Variants in SLC24A3 observed in about 807,000 individuals in gnomAD.
SLC24A3 encodes the protein sodium/potassium/calcium exchanger 3.
SLC24A3 carries 28 observed loss-of-function variants against 75.8 expected under a neutral mutation model. The ratio of observed to expected loss-of-function variants is 0.37; its 90% CI spans 0.27 to 0.51. The LOEUF is 0.51. SLC24A3 is among the 20% of genes least tolerant of loss of function. SLC24A3 has a pLI of 0.94. For missense variants in SLC24A3, 663 were observed against 847.8 expected (o/e 0.78, Z 2.71); for synonymous variants, 372 against 334.1 (o/e 1.11, Z -1.24).
intron 2 of SLC24A3, among the ~76,000 whole-genome samples, chr20:19,392,921 A>G (rs1246157708): frequency 6.6e-6 from 1 of 152,168 alleles, no homozygotes; most frequent in Non-Finnish European, 1.5e-5. Context: ...CTTGCAGTCA[A>G]AAGGGGAAAG....
intron 3 of SLC24A3, among the ~76,000 whole-genome samples, chr20:19,552,091 T>G (rs1050554962): frequency 6.6e-6 from 1 of 152,228 alleles, no homozygotes; most frequent in East Asian, 1.9e-4. Flanking sequence ...TTAGGGAAAC[T>G]TTTTCCCCGT....
intron 2 of SLC24A3, among the ~76,000 whole-genome samples, chr20:19,477,688 A>G (rs1166705493): frequency 2.0e-5 from 3 of 152,122 alleles, no homozygotes; most frequent in Non-Finnish European, 4.4e-5. Flanking sequence ...GCCATGTGCC[A>G]TGTACCTAAA....
chr20:19,585,241 G>C (rs568179894), intron 5 of SLC24A3, among the ~76,000 whole-genome samples, 186 bp downstream of exon 5: 25 of 152,270 alleles, frequency 1.6e-4, no homozygotes, highest in African/African-American at 6.0e-4. Context: ...CTTTTACTGT[G>C]CATGAACTTG....
At chr20:19,603,044 A>G (rs2031548254) in intron 6 of SLC24A3, among the ~76,000 whole-genome samples, 1 of 152,148 alleles carries the variant, frequency 6.6e-6, no homozygotes, top group African/African-American at 2.4e-5. Flanking sequence ...GTCTCTCTGG[A>G]ATTGTCACCC....
intron 6 of SLC24A3, among the ~76,000 whole-genome samples, chr20:19,637,378 T>C (rs2032014441): frequency 6.6e-6 from 1 of 152,140 alleles, no homozygotes; most frequent in Non-Finnish European, 1.5e-5. Context: ...ACCAAAATAG[T>C]GGAATTGATA....
At chr20:19,666,706 C>G (rs867896135) in intron 8 of SLC24A3, among the ~76,000 whole-genome samples, 72 of 151,292 alleles carry the variant, frequency 4.8e-4, no homozygotes, top group African/African-American at 1.7e-3. Flanking sequence ...CAAATTGGCC[C>G]GGCATGGTGG....
intron 3 of SLC24A3, among the ~76,000 whole-genome samples, chr20:19,539,957 A>G (rs775783152): frequency 4.6e-5 from 7 of 152,192 alleles, no homozygotes; most frequent in Non-Finnish European, 8.8e-5. Flanking sequence ...TTCTGGAATG[A>G]GAGTCTTCAA....
intron 15 of SLC24A3, 139 bp from the exon 16 acceptor site, chr20:19,717,389 A>G (rs183600825): frequency 4.0e-6 from 3 of 753,684 alleles, no homozygotes; most frequent in Admixed American, 4.6e-5. Flanking sequence ...TGGCTGCTGA[A>G]GCTGTTGCTT....
chr20:19,386,372 C>A (rs955447878), intron 2 of SLC24A3, among the ~76,000 whole-genome samples: 14 of 152,244 alleles, frequency 9.2e-5, no homozygotes, highest in African/African-American at 3.4e-4. Flanking sequence ...CAAACAGAGA[C>A]AATTTAACTT....
chr20:19,664,492 C>T (rs2032375046), intron 7 of SLC24A3, among the ~76,000 whole-genome samples: 1 of 152,238 alleles, frequency 6.6e-6, no homozygotes, highest in South Asian at 2.1e-4. Context: ...CTCCTTCCTC[C>T]TCATCCTCAT....
intron 6 of SLC24A3, among the ~76,000 whole-genome samples, chr20:19,620,035 C>T (rs1309165257): frequency 1.3e-5 from 2 of 152,176 alleles, no homozygotes; most frequent in Non-Finnish European, 2.9e-5. Context: ...CACCAACCCT[C>T]TTTTGCATTT....
At chr20:19,373,588 G>T (rs565426193) in intron 2 of SLC24A3, among the ~76,000 whole-genome samples, 5 of 152,238 alleles carry the variant, frequency 3.3e-5, no homozygotes, top group African/African-American at 1.2e-4. Flanking sequence ...TATAGATTTT[G>T]CCACTATATA....
chr20:19,515,048 A>G (rs1263965654), intron 2 of SLC24A3, among the ~76,000 whole-genome samples: 1 of 152,254 alleles, frequency 6.6e-6, no homozygotes, highest in Non-Finnish European at 1.5e-5. Flanking sequence ...GCAGTTTTCA[A>G]TGCATGCATG....
intron 2 of SLC24A3, among the ~76,000 whole-genome samples, chr20:19,444,756 G>T (rs1314551080): frequency 6.6e-6 from 1 of 151,816 alleles, no homozygotes; most frequent in Non-Finnish European, 1.5e-5. Context: ...CCTTTTAAAA[G>T]AACTATCTTT....
intron 2 of SLC24A3, among the ~76,000 whole-genome samples, chr20:19,440,343 G>T (rs1233576621): frequency 6.6e-6 from 1 of 152,218 alleles, no homozygotes; most frequent in Non-Finnish European, 1.5e-5. Context: ...AATCTCAGAA[G>T]GAGCTGGCAA....
chr20:19,355,850 C>T (rs781209871), intron 2 of SLC24A3, among the ~76,000 whole-genome samples: 12 of 152,090 alleles, frequency 7.9e-5, no homozygotes, highest in African/African-American at 2.7e-4. Flanking sequence ...ACCTGACTGC[C>T]GTTGATGATA....
At chr20:19,281,623 T>C (rs1350648046) in intron 2 of SLC24A3, among the ~76,000 whole-genome samples, 3 of 152,118 alleles carry the variant, frequency 2.0e-5, no homozygotes, top group Non-Finnish European at 4.4e-5. Context: ...CTAATGTTAC[T>C]AAACAGAAAA....
chr20:19,507,609 C>T lies in SLC24A3; in HGVS notation c.272-7879C>T, dbSNP rs1262322192. On this transcript the variant is annotated intron_variant, in intron 2 of 16. Transcript: ENST00000328041. ...GAGCCAGGCACTGGTTTGAAAGCCA[C>T]ATGCAATCCACATCATTTTGCTCAC... Among the ~76,000 whole-genome samples, 3 of 152,224 alleles carry T rather than the reference C, an allele frequency of 2.0e-5. No individual in the cohort carries two copies. In the East Asian group the frequency reaches 5.8e-4, roughly 29 times the overall value.
chr20:19,352,249 G>T (rs1385436081), intron 2 of SLC24A3, among the ~76,000 whole-genome samples: 1 of 152,166 alleles, frequency 6.6e-6, no homozygotes, highest in Non-Finnish European at 1.5e-5. Context: ...GGGCAGAGTG[G>T]GGGTACAGCC....
Sources: allele counts gnomAD v4.1 joint callset (sites outside exome capture counted in the v4.1 genomes callset), GRCh38; gene constraint gnomAD v4.1.1; transcripts MANE v1.5; gene names NCBI Gene and HGNC (gene_info 2026-07-23, HGNC 2026-07-21).